Variants in MACROD2 observed in about 807,000 individuals in gnomAD.
MACROD2 encodes mono-ADP ribosylhydrolase 2.
In MACROD2, 36 loss-of-function variants were observed where a neutral mutation model predicts 70.4. That is an observed-to-expected ratio of 0.51 (90% CI 0.39 to 0.68). The LOEUF (loss-of-function observed/expected upper bound fraction) is 0.68, where lower values mean the gene tolerates loss of function less well. Ranked by LOEUF, MACROD2 falls within the 30% of genes least tolerant of loss-of-function variation. The pLI is 0.00. For synonymous variants in MACROD2, 172 were observed against 178.8 expected, an observed-to-expected ratio of 0.96 and a Z score of 0.30; for missense variants, 496 against 538.4, an observed-to-expected ratio of 0.92 and a Z score of 0.78.
chr20:14,704,121 A>T (rs2071239586), intron 5 of MACROD2, among the ~76,000 whole-genome samples: 1 of 152,032 alleles, frequency 6.6e-6, no homozygotes, highest in South Asian at 2.1e-4. Flanking sequence ...TTTTGGTAGT[A>T]TTTTCTTATG....
chr20:15,505,975 CACA>C (rs1264168418), intron 8 of MACROD2, among the ~76,000 whole-genome samples: 1 of 152,112 alleles, frequency 6.6e-6, no homozygotes, highest in Admixed American at 6.5e-5. Context: ...CGGAGGGAAA[CACA>C]ACACCTGTGG....
chr20:15,413,741 AT>A (rs1343188057), intron 6 of MACROD2, among the ~76,000 whole-genome samples: 1 of 152,210 alleles, frequency 6.6e-6, no homozygotes. Context: ...CCTTCTAATA[AT>A]GACAAAATTC....
chr20:15,387,582 C>G (rs535629754), intron 6 of MACROD2, among the ~76,000 whole-genome samples: 19 of 151,630 alleles, frequency 1.3e-4, no homozygotes, highest in African/African-American at 4.6e-4. Flanking sequence ...CTCCCCACTT[C>G]CTTCCATAAA....
intron 2 of MACROD2, among the ~76,000 whole-genome samples, chr20:14,073,149 A>G (rs1443758031): frequency 1.3e-5 from 2 of 152,080 alleles, no homozygotes; most frequent in South Asian, 2.1e-4. Context: ...CAGCATGACT[A>G]ACATGGTGAA....
At chr20:14,215,554 A>G (rs1327845954) in intron 3 of MACROD2, among the ~76,000 whole-genome samples, 2 of 152,200 alleles carry the variant, frequency 1.3e-5, no homozygotes, top group East Asian at 3.9e-4. Context: ...ATCAAATGGT[A>G]GTTCTGCTTT....
chr20:15,200,630 G>A (rs1332461792), intron 5 of MACROD2, among the ~76,000 whole-genome samples: 2 of 152,180 alleles, frequency 1.3e-5, no homozygotes, highest in African/African-American at 2.4e-5. Context: ...TTTAAACTCC[G>A]TGTGCTAGAA....
intron 13 of MACROD2, among the ~76,000 whole-genome samples, chr20:15,973,540 A>G (rs1401365730): frequency 6.6e-6 from 1 of 152,206 alleles, no homozygotes; most frequent in Non-Finnish European, 1.5e-5. Context: ...AGATCACATG[A>G]CAGTATACTC....
At chr20:16,040,247 G>T (rs1277754765) in intron 15 of MACROD2, among the ~76,000 whole-genome samples, 1 of 151,786 alleles carries the variant, frequency 6.6e-6, no homozygotes, top group African/African-American at 2.4e-5. Flanking sequence ...TTCTACCTCT[G>T]AAGATCTCTT....
intron 7 of MACROD2, among the ~76,000 whole-genome samples, chr20:15,456,835 G>A (rs1012440481): frequency 5.7e-4 from 87 of 152,128 alleles, no homozygotes; most frequent in African/African-American, 1.8e-3. Context: ...ATTGTCTCCC[G>A]GCATATTCTA....
intron 5 of MACROD2, among the ~76,000 whole-genome samples, chr20:14,862,051 T>TA (rs2073331592): frequency 7.8e-3 from 1 of 128 alleles, no homozygotes; most frequent in Non-Finnish European, 0.015. Context: ...ATATATATAT[T>TA]TATATATATA....
At chr20:15,668,802 C>T (rs904514433) in intron 8 of MACROD2, among the ~76,000 whole-genome samples, 4 of 152,180 alleles carry the variant, frequency 2.6e-5, no homozygotes, top group Non-Finnish European at 5.9e-5. Flanking sequence ...CTTGTATTAT[C>T]CATTGATGAG....
intron 6 of MACROD2, among the ~76,000 whole-genome samples, chr20:15,303,769 C>A (rs1487711662): frequency 6.6e-6 from 1 of 152,104 alleles, no homozygotes; most frequent in African/African-American, 2.4e-5. Context: ...TTTTCATGCC[C>A]CCAGTCTCTT....
chr20:14,120,756 T>C (rs1398015124), intron 3 of MACROD2, among the ~76,000 whole-genome samples: 2 of 151,538 alleles, frequency 1.3e-5, no homozygotes, highest in African/African-American at 4.9e-5. Flanking sequence ...TCACATTCTT[T>C]GCAGGGACAT....
intron 5 of MACROD2, among the ~76,000 whole-genome samples, chr20:14,830,140 G>A (rs1021885692): frequency 3.3e-5 from 5 of 152,184 alleles, no homozygotes; most frequent in African/African-American, 9.6e-5. Context: ...TGTGTAAAAT[G>A]TATGCTTGGT....
At chr20:14,865,933 G>C (rs181061888) in intron 5 of MACROD2, among the ~76,000 whole-genome samples, 7 of 152,196 alleles carry the variant, frequency 4.6e-5, no homozygotes, top group Admixed American at 4.6e-4. Flanking sequence ...TAAGGAACTG[G>C]AAGGCAGCCA....
chr20:14,072,905 G>T (rs1346308584), intron 2 of MACROD2, among the ~76,000 whole-genome samples: 1 of 149,402 alleles, frequency 6.7e-6, no homozygotes, highest in Non-Finnish European at 1.5e-5. Flanking sequence ...CTGCACTCCA[G>T]CCTGGGCGAC....
chr20:14,121,587 G>C (rs2054589822), intron 3 of MACROD2, among the ~76,000 whole-genome samples: 1 of 152,126 alleles, frequency 6.6e-6, no homozygotes. Context: ...TGAAGTATTT[G>C]GTTAGATGAA....
chr20:15,374,990 T>A (rs997066064), intron 6 of MACROD2, among the ~76,000 whole-genome samples: 11 of 152,248 alleles, frequency 7.2e-5, no homozygotes, highest in African/African-American at 1.9e-4. Flanking sequence ...AAAGAGGGGC[T>A]TATTTGTTCA....
intron 8 of MACROD2, among the ~76,000 whole-genome samples, chr20:15,720,866 T>C (rs548202038): frequency 1.1e-4 from 17 of 152,164 alleles, no homozygotes; most frequent in Admixed American, 5.9e-4. Context: ...GAGAAGTGCT[T>C]TTTTCAGTAG....
Sources: gnomAD v4.1 joint callset for allele counts (sites outside exome capture counted in the v4.1 genomes callset) on GRCh38, gnomAD v4.1.1 for gene constraint, MANE v1.5 for transcripts, NCBI Gene and HGNC (gene_info 2026-07-23, HGNC 2026-07-21) for gene names.